The following DEUP1 variants were observed in gnomAD, a reference collection of about 807,000 sequenced individuals.
DEUP1 encodes the protein coiled-coil domain containing 67.
DEUP1 carries 82 observed loss-of-function variants against 87.4 expected under a neutral mutation model. The observed-to-expected ratio is 0.94, with a 90% confidence interval of 0.78 to 1.13. The LOEUF (loss-of-function observed/expected upper bound fraction) is 1.13, where lower values mean the gene tolerates loss of function less well. Among genes scored for constraint, DEUP1 ranks in the 50% most tolerant of loss-of-function variants. The probability of loss-of-function intolerance (pLI) is 0.00; values close to 1 mark genes in which losing one functional copy is unlikely to be tolerated. For missense variants in DEUP1, 663 were observed against 681.5 expected, an observed-to-expected ratio of 0.97 and a Z score of 0.30; for synonymous variants, 214 against 222.7, an observed-to-expected ratio of 0.96 and a Z score of 0.35.
At chr11:93,348,885 A>G (rs953504461) in intron 2 of DEUP1, among the ~76,000 whole-genome samples, 1 of 152,168 alleles carries the variant, frequency 6.6e-6, no homozygotes, top group Admixed American at 6.5e-5. Flanking sequence ...GATGATGTAT[A>G]TATATACATA....
chr11:93,346,019 A>T (rs1944332776), intron 2 of DEUP1, among the ~76,000 whole-genome samples: 1 of 152,010 alleles, frequency 6.6e-6, no homozygotes, highest in South Asian at 2.1e-4. Context: ...ATACAGCTTG[A>T]GTTAATTTTT....
In DEUP1 at chr11:93,394,755, G is replaced by A. The variant is rs527545059; in HGVS notation, c.1239+99G>A. Reference sequence around the variant, plus strand: ...ACTAATGAAAACATTACATTTCTTGGTATTATTTCTGAGACTAGCTTCACA... The same window carrying A: ...ACTAATGAAAACATTACATTTCTTGATATTATTTCTGAGACTAGCTTCACA... On this transcript the variant is annotated intron_variant, in intron 10 of 13. Coordinates refer to ENST00000298050, the MANE Select transcript of DEUP1 (RefSeq NM_181645.4). 1.0e-4 allele frequency: 83 copies of A among 802,138 alleles called. No individual in the cohort carries two copies. In the African/African-American group the frequency reaches 1.2e-3, roughly 12 times the overall value. The allele number at this position is 802,138 out of a possible 1,614,324, so 49.7% of individuals were successfully genotyped here.
rs1565316389 is a variant in DEUP1, at chr11:93,373,630, T to TATATATGC, written c.789+2356_789+2357insGCATATAT. Among the ~76,000 whole-genome samples the TATATATGC allele has an allele frequency of 9.3e-4, 135 of 144,448 alleles. 1 individual carries two copies. The highest frequency in any genetic ancestry group is 3.3e-3 in the African/African-American group (128 of 39,296). 94.8% of individuals were successfully genotyped at this position (144,448 alleles called of 152,430 possible). A position where few individuals can be genotyped will look rare whatever the true frequency, so the allele number is the denominator to read the frequency against. ...TTATATATGTATATATATACGTATA[T>TATATATGC]ATATATATATATATATATATACGTA... On this transcript the variant is annotated intron_variant, in intron 7 of 13. Coordinates refer to ENST00000298050, the MANE Select transcript of DEUP1 (RefSeq NM_181645.4).
chr11:93,388,230 C>A (rs1323664996), intron 8 of DEUP1, among the ~76,000 whole-genome samples: 2 of 152,064 alleles, frequency 1.3e-5, no homozygotes, highest in Non-Finnish European at 2.9e-5. Flanking sequence ...GAAATCTTCT[C>A]AAAAGTTATC....
In DEUP1 at chr11:93,408,386, T is replaced by A; in HGVS notation, c.1482T>A (p.Tyr494Ter). 2 of 1,569,132 alleles carry A rather than the reference T, an allele frequency of 1.3e-6. No individual in the cohort carries two copies. Among genetic ancestry groups the A allele is most frequent in the Non-Finnish European group, 1.7e-6 (2 of 1,156,560 alleles). The change falls in exon 12 of 14, where the codon TAT becomes TAA. Residue 494 changes from tyrosine (Y) to a stop codon, truncating the protein, a stop_gained. Transcript: ENST00000298050. LOFTEE classifies it high-confidence loss of function. ...ACACCTATGAAGAAACAGGAAGATA[T>A]GCCTATCAAAGCCAAATAAAAGTGG... ...NQNTYEETGR[Y>*]AYQSQIKVEQ...
At chr11:93,420,521 C>G (rs1341290546) in intron 13 of DEUP1, among the ~76,000 whole-genome samples, 2 of 148,506 alleles carry the variant, frequency 1.3e-5, no homozygotes, top group Non-Finnish European at 3.0e-5. Context: ...GATGCCCTCT[C>G]TCACCACTCC....
chr11:93,397,402 T>C (rs1004417), intron 11 of DEUP1, among the ~76,000 whole-genome samples: 71,501 of 152,024 alleles, frequency 0.47, 17,378 homozygotes, highest in Admixed American at 0.62. Flanking sequence ...CTGTGTGTCA[T>C]CTATGACATT....
Position 93,408,346 on chromosome 11 carries a change from C to T in DEUP1, c.1442C>T (p.Thr481Ile), listed in dbSNP as rs778995829. 9 of 1,576,510 alleles carry T rather than the reference C, an allele frequency of 5.7e-6. No homozygotes were observed. Among genetic ancestry groups the T allele is most frequent in the Non-Finnish European group, 7.8e-6 (9 of 1,160,082 alleles). ...LAKLHVNGKSTWTNQNTYEET... is the reference protein window; with the variant it reads ...LAKLHVNGKSIWTNQNTYEET... Reference sequence around the variant, plus strand: ...AAACTTCATGTCAATGGAAAATCAACCTGGACTAATCAAAACACCTATGAA... The same window carrying T: ...AAACTTCATGTCAATGGAAAATCAATCTGGACTAATCAAAACACCTATGAA... The change falls in exon 12 of 14, where the codon ACC (threonine) becomes ATC (isoleucine). Residue 481 changes from threonine to isoleucine, a missense_variant. Physicochemically the swap from Thr to Ile is moderately conservative, Grantham distance 89. Transcript: ENST00000298050.
At chr11:93,389,549 C>A (rs61919180) in intron 9 of DEUP1, among the ~76,000 whole-genome samples, 38,269 of 151,982 alleles carry the variant, frequency 0.25, 5,124 homozygotes, top group South Asian at 0.37. Context: ...TAGCTGCTAA[C>A]TAGCAGTTAA....
Position 93,437,925 on chromosome 11 carries a change from T to C in DEUP1, c.*206T>C. On this transcript the variant is annotated 3_prime_UTR_variant, in exon 14 of 14. Coordinates refer to ENST00000298050, the MANE Select transcript of DEUP1 (RefSeq NM_181645.4). ...TCTGCATTAACATGCTAAATTGTCCTGCTGTAGAGTTACTATAAAATAAAC... is the reference window on the plus strand; with the variant it reads ...TCTGCATTAACATGCTAAATTGTCCCGCTGTAGAGTTACTATAAAATAAAC... The C allele has an allele frequency of 2.5e-6, 1 of 398,936 alleles. No homozygotes were observed. The highest frequency in any genetic ancestry group is 4.6e-6 in the Non-Finnish European group (1 of 218,800). The allele number at this position is 398,936 out of a possible 1,614,324, so 24.7% of individuals were successfully genotyped here.
intron 3 of DEUP1, among the ~76,000 whole-genome samples, 194 bp from the exon 4 acceptor site, chr11:93,356,754 T>A (rs1337413391): frequency 6.6e-6 from 1 of 152,176 alleles, no homozygotes; most frequent in Non-Finnish European, 1.5e-5. Context: ...AATGTGTACC[T>A]TGTGGAATAG....
chr11:93,347,135 A>G (rs1944389768), intron 2 of DEUP1, among the ~76,000 whole-genome samples: 2 of 152,284 alleles, frequency 1.3e-5, no homozygotes, highest in South Asian at 2.1e-4. Flanking sequence ...TTCAAGGGGA[A>G]TGCTTCCAGC....
At chr11:93,346,342 G>A (rs1944348629) in intron 2 of DEUP1, among the ~76,000 whole-genome samples, 1 of 152,112 alleles carries the variant, frequency 6.6e-6, no homozygotes, top group South Asian at 2.1e-4. Context: ...TCCCACCTCA[G>A]CCTCCCCAGT....
chr11:93,437,743 T>TCA lies in DEUP1; in HGVS notation c.*25_*26insAC. The TCA allele has an allele frequency of 2.2e-6, 2 of 927,224 alleles. No individual in the cohort carries two copies. Among genetic ancestry groups the TCA allele is most frequent in the Non-Finnish European group, 3.2e-6 (2 of 624,590 alleles). 57.4% of individuals were successfully genotyped at this position (927,224 alleles called of 1,614,324 possible). A position where few individuals can be genotyped will look rare whatever the true frequency, so the allele number is the denominator to read the frequency against. ...GAGCTTTTAAACTTTTTTATTTGCT[T>TCA]CCCCCCCCCACCCCCGCCAAGAAAA... is the stretch of plus-strand genomic sequence containing the variant. On this transcript the variant is annotated 3_prime_UTR_variant, in exon 14 of 14. Transcript: ENST00000298050.
intron 3 of DEUP1, among the ~76,000 whole-genome samples, chr11:93,355,878 C>G (rs748500948): frequency 6.6e-6 from 1 of 152,146 alleles, no homozygotes; most frequent in Non-Finnish European, 1.5e-5. Context: ...GTCATCAAAA[C>G]TGTGGACAAG....
chr11:93,345,905 G>GTGTCTT (rs1944326688), intron 2 of DEUP1, among the ~76,000 whole-genome samples: 1 of 152,068 alleles, frequency 6.6e-6, no homozygotes, highest in African/African-American at 2.4e-5. Context: ...ATTGCTTTCG[G>GTGTCTT]TGTCTTTGTT....
intron 12 of DEUP1, among the ~76,000 whole-genome samples, chr11:93,414,373 C>T (rs1947539343): frequency 6.6e-6 from 1 of 152,092 alleles, no homozygotes; most frequent in South Asian, 2.1e-4. Flanking sequence ...ATTACCCTGG[C>T]GTGGTGGCGG....
intron 12 of DEUP1, among the ~76,000 whole-genome samples, chr11:93,414,485 C>T (rs761217252): frequency 2.6e-5 from 4 of 151,586 alleles, no homozygotes; most frequent in Non-Finnish European, 4.4e-5. Context: ...CCAGCCTAGG[C>T]GACAGAGCAA....
intron 11 of DEUP1, among the ~76,000 whole-genome samples, chr11:93,407,993 G>A (rs1412585012): frequency 6.6e-6 from 1 of 152,010 alleles, no homozygotes; most frequent in Non-Finnish European, 1.5e-5. Flanking sequence ...ATCCAACAGT[G>A]GGGATGATGC....
Sources: gnomAD v4.1 joint callset for allele counts (sites outside exome capture counted in the v4.1 genomes callset) on GRCh38, gnomAD v4.1.1 for gene constraint, MANE v1.5 for transcripts, NCBI Gene and HGNC (gene_info 2026-07-23, HGNC 2026-07-21) for gene names.